PLCL1: variants seen among roughly 807,000 people sequenced by gnomAD.
The protein encoded by PLCL1 is inactive phospholipase C-like protein 1.
A neutral mutation model predicts 84.4 loss-of-function variants in PLCL1; 41 were observed. The observed-to-expected ratio is 0.49, with a 90% CI of 0.38 to 0.63. The LOEUF (loss-of-function observed/expected upper bound fraction) is 0.63. Among genes scored for constraint, PLCL1 ranks in the 30% least tolerant of loss-of-function variants. PLCL1 has a pLI of 0.00. For synonymous variants in PLCL1, 490 were observed against 488.3 expected (o/e 1.00, Z -0.05); for missense variants, 1,206 against 1,367.8 (o/e 0.88, Z 1.87).
chr2:198,053,445 T>C (rs1691989584), intron 1 of PLCL1, among the ~76,000 whole-genome samples: 1 of 152,212 alleles, frequency 6.6e-6, no homozygotes, highest in Non-Finnish European at 1.5e-5. Flanking sequence ...TCTGGCCCTT[T>C]GGTGCTGGTA....
At chr2:198,101,214 G>GTATGTC (rs1363968445) in intron 3 of PLCL1, 71 bp from the exon 4 acceptor site, 26 of 865,244 alleles carry the variant, frequency 3.0e-5, no homozygotes, top group Non-Finnish European at 4.7e-5. Context: ...GGGTCTCTCT[G>GTATGTC]TATGTCGTCT....
At chr2:197,998,051 A>G (rs761578614) in intron 1 of PLCL1, among the ~76,000 whole-genome samples, 2 of 152,080 alleles carry the variant, frequency 1.3e-5, no homozygotes, top group Non-Finnish European at 2.9e-5. Context: ...ATGAGGGCTT[A>G]GTGGGTGGGA....
chr2:198,017,666 C>A (rs1396859699), intron 1 of PLCL1, among the ~76,000 whole-genome samples: 1 of 152,232 alleles, frequency 6.6e-6, no homozygotes, highest in East Asian at 1.9e-4. Context: ...CTAAGAGAAT[C>A]TCTGCTTTTG....
At chr2:197,946,483 GTCC>G (rs1267255811) in intron 1 of PLCL1, among the ~76,000 whole-genome samples, 1 of 151,300 alleles carries the variant, frequency 6.6e-6, no homozygotes, top group Non-Finnish European at 1.5e-5. Context: ...ATAAGCAAAA[GTCC>G]TCATTATATT....
intron 1 of PLCL1, among the ~76,000 whole-genome samples, chr2:197,980,338 C>A (rs1206799715): frequency 6.6e-6 from 1 of 152,162 alleles, no homozygotes; most frequent in Non-Finnish European, 1.5e-5. Context: ...AGTTAAGTTT[C>A]TGGGAGGTTC....
Position 197,804,966 on chromosome 2 carries a change from CACT to C in PLCL1, c.-133_-131del. 13 of 1,124,178 alleles carry C rather than the reference CACT, an allele frequency of 1.2e-5. No individual in the cohort carries two copies. Among genetic ancestry groups the C allele is most frequent in the African/African-American group, 1.7e-5 (1 of 60,264 alleles). 69.6% of individuals were successfully genotyped at this position (1,124,178 alleles called of 1,614,324 possible). The stretch of plus-strand genomic sequence containing the variant: ...TTGCCGCCGCCGCCGCCGCCGCCGC[CACT>C]GCCGCCGCTGGGCGGTGAAACAAAG... On this transcript the variant is annotated 5_prime_UTR_variant, in exon 1 of 6. Transcript: ENST00000428675.
At chr2:198,057,023 G>A (rs1692086595) in intron 1 of PLCL1, among the ~76,000 whole-genome samples, 1 of 152,156 alleles carries the variant, frequency 6.6e-6, no homozygotes, top group Admixed American at 6.5e-5. Context: ...GCATGTGTGG[G>A]TGCCCTGGTG....
At chr2:197,868,755 A>G (rs1687593721) in intron 1 of PLCL1, among the ~76,000 whole-genome samples, 1 of 150,242 alleles carries the variant, frequency 6.7e-6, no homozygotes. Flanking sequence ...GATTCAAGTG[A>G]TCCACCCACC....
At chr2:197,909,708 G>A (rs1688448090) in intron 1 of PLCL1, among the ~76,000 whole-genome samples, 1 of 152,220 alleles carries the variant, frequency 6.6e-6, no homozygotes, top group African/African-American at 2.4e-5. Flanking sequence ...ATTCTGGAGA[G>A]TGGAGTTCTC....
intron 1 of PLCL1, among the ~76,000 whole-genome samples, chr2:197,844,202 A>G (rs902325709): frequency 6.6e-6 from 1 of 152,148 alleles, no homozygotes; most frequent in Non-Finnish European, 1.5e-5. Context: ...CAGTGAACCC[A>G]TCTGTGTAAC....
chr2:198,043,735 G>A (rs1691721236), intron 1 of PLCL1, among the ~76,000 whole-genome samples: 1 of 152,102 alleles, frequency 6.6e-6, no homozygotes, highest in African/African-American at 2.4e-5. Flanking sequence ...GAACAGGTTT[G>A]GTTGGGGGAG....
intron 1 of PLCL1, among the ~76,000 whole-genome samples, chr2:197,856,254 G>A (rs141377101): frequency 1.3e-5 from 2 of 152,216 alleles, no homozygotes; most frequent in East Asian, 3.9e-4. Context: ...GTGATGGAAC[G>A]TTTACTTCCT....
intron 1 of PLCL1, among the ~76,000 whole-genome samples, chr2:197,847,598 A>G (rs1376610129): frequency 1.3e-5 from 2 of 152,176 alleles, no homozygotes; most frequent in Non-Finnish European, 2.9e-5. Context: ...AGATATTTGG[A>G]TTTTTATGTG....
chr2:198,090,004 T>C (rs1454495502), intron 3 of PLCL1, among the ~76,000 whole-genome samples: 3 of 152,174 alleles, frequency 2.0e-5, no homozygotes, highest in Non-Finnish European at 4.4e-5. Flanking sequence ...TAAATTGATA[T>C]AGTATTTCTT....
chr2:198,037,953 C>G (rs1415893049), intron 1 of PLCL1, among the ~76,000 whole-genome samples: 7 of 152,120 alleles, frequency 4.6e-5, no homozygotes, highest in African/African-American at 4.8e-5. Flanking sequence ...GTTATTGATG[C>G]ATTTTCAAGA....
intron 1 of PLCL1, among the ~76,000 whole-genome samples, chr2:198,049,348 G>T (rs10497813): frequency 0.44 from 66,280 of 151,996 alleles, 15,274 homozygotes; most frequent in Middle Eastern, 0.64. Context: ...GAAGAGTGTA[G>T]GATGTAGATA....
intron 1 of PLCL1, among the ~76,000 whole-genome samples, chr2:197,975,714 GA>G (rs763509516): frequency 2.0e-5 from 3 of 152,144 alleles, no homozygotes; most frequent in Non-Finnish European, 4.4e-5. Flanking sequence ...GCTGAGGCAG[GA>G]GGATTGCTTG....
intron 1 of PLCL1, among the ~76,000 whole-genome samples, chr2:197,897,098 C>CTT (rs1688150185): frequency 3.4e-5 from 4 of 117,880 alleles, no homozygotes; most frequent in African/African-American, 1.2e-4. Context: ...AAGTATGACT[C>CTT]CTTCTTCTTC....
At chr2:198,146,679 T>G (rs1308115453) in intron 5 of PLCL1, 101 bp from the exon 6 acceptor site, 2 of 940,902 alleles carry the variant, frequency 2.1e-6, no homozygotes, top group Non-Finnish European at 3.1e-6. Context: ...TGGGTCTGTT[T>G]CCTTATTCAG....
Sources: allele counts gnomAD v4.1 joint callset (sites outside exome capture counted in the v4.1 genomes callset), GRCh38; gene constraint gnomAD v4.1.1; transcripts MANE v1.5; gene names NCBI Gene and HGNC (gene_info 2026-07-23, HGNC 2026-07-21).